Variants in HIVEP2 observed in about 807,000 individuals in gnomAD.
HIVEP2 encodes HIVEP zinc finger 2.
In HIVEP2, 14 loss-of-function variants were observed where a neutral mutation model predicts 180.7. The ratio of observed to expected loss-of-function variants is 0.08; its 90% CI spans 0.05 to 0.12. The LOEUF (loss-of-function observed/expected upper bound fraction) is 0.12. Among genes scored for constraint, HIVEP2 ranks in the 10% least tolerant of loss-of-function variants. The pLI is 1.00. For missense variants in HIVEP2, 2,579 were observed against 3,008.5 expected (o/e 0.86, Z 3.34); for synonymous variants, 1,184 against 1,136.4 (o/e 1.04, Z -0.84).
intron 1 of HIVEP2, among the ~76,000 whole-genome samples, chr6:142,895,373 T>C (rs1490552465): frequency 1.3e-5 from 2 of 152,200 alleles, no homozygotes; most frequent in African/African-American, 4.8e-5. Context: ...TTTTCCTTCC[T>C]GGTCAAATGA....
intron 1 of HIVEP2, among the ~76,000 whole-genome samples, chr6:142,915,266 C>A (rs943943897): frequency 1.3e-5 from 2 of 152,158 alleles, no homozygotes; most frequent in Admixed American, 1.3e-4. Context: ...AAGGTCCTTG[C>A]AGATGTAATT....
chr6:142,845,872 T>TGTTTGCACAG (rs1775501075), intron 1 of HIVEP2, among the ~76,000 whole-genome samples: 1 of 152,158 alleles, frequency 6.6e-6, no homozygotes, highest in Admixed American at 6.5e-5. Context: ...AAACTCGTCT[T>TGTTTGCACAG]CCGCAGACAC....
In HIVEP2 at chr6:142,793,673, T is replaced by TCTC. The variant is rs1562521411; in HGVS notation, c.-527-10059_-527-10058insGAG. Among the ~76,000 whole-genome samples the TCTC allele has an allele frequency of 6.7e-4, 72 of 107,508 alleles. 2 individuals carry two copies. Among genetic ancestry groups the TCTC allele is most frequent in the African/African-American group, 2.4e-3 (66 of 27,102 alleles). 70.5% of individuals were successfully genotyped at this position (107,508 alleles called of 152,430 possible). A position where few individuals can be genotyped will look rare whatever the true frequency, so the allele number is the denominator to read the frequency against. On this transcript the variant is annotated intron_variant, in intron 2 of 9. Transcript: ENST00000367603. ...CTTTCTTTCTTTTTTCTTTCTTTCTTTCTCTCTCTCTCTCTCTCTCTCTCT... is the reference window on the plus strand; with the variant it reads ...CTTTCTTTCTTTTTTCTTTCTTTCTTCTCTCTCTCTCTCTCTCTCTCTCTCTCT...
chr6:142,798,725 T>A (rs144129183), intron 2 of HIVEP2, among the ~76,000 whole-genome samples: 20 of 152,298 alleles, frequency 1.3e-4, no homozygotes, highest in African/African-American at 4.8e-4. Flanking sequence ...AAGACAGAAC[T>A]GAGTCCCAAT....
chr6:142,886,049 T>C (rs1776690135), intron 1 of HIVEP2, among the ~76,000 whole-genome samples: 1 of 152,240 alleles, frequency 6.6e-6, no homozygotes, highest in Admixed American at 6.5e-5. Flanking sequence ...AAAGCTTAAT[T>C]ACAAATTTCA....
intron 2 of HIVEP2, among the ~76,000 whole-genome samples, chr6:142,835,884 C>T (rs1031756512): frequency 6.6e-6 from 1 of 152,150 alleles, no homozygotes; most frequent in East Asian, 1.9e-4. Context: ...TAAACTACAA[C>T]GCTATCGCTA....
chr6:142,824,128 A>C (rs1405309403), intron 2 of HIVEP2, among the ~76,000 whole-genome samples: 1 of 152,212 alleles, frequency 6.6e-6, no homozygotes, highest in African/African-American at 2.4e-5. Context: ...GAATTAGTAC[A>C]TGTTGACACC....
At position 142,777,996 on chromosome 6, in the gene HIVEP2, C is replaced by T. The variant is rs748172246; in HGVS notation, c.-432-1805G>A. On this transcript the variant is annotated intron_variant, in intron 3 of 9. Transcript: ENST00000367603. ...AAGCACCCGGAAATTCCCACAGGAACGGTAAGTCTTTTGGGTGAGAAATCA... is the reference window on the plus strand; with the variant it reads ...AAGCACCCGGAAATTCCCACAGGAATGGTAAGTCTTTTGGGTGAGAAATCA... 3.9e-5 allele frequency among the ~76,000 whole-genome samples: 6 copies of T among 152,198 alleles called. No homozygotes were observed. In the South Asian group the frequency reaches 6.2e-4, roughly 16 times the overall value.
In HIVEP2 at chr6:142,939,318, T is replaced by G. The variant is rs1331052367; in HGVS notation, c.-641+5781A>C. Among the ~76,000 whole-genome samples the G allele has an allele frequency of 2.6e-5, 4 of 151,160 alleles. No homozygotes were observed. In the East Asian group the frequency reaches 7.8e-4, roughly 29 times the overall value. On this transcript the variant is annotated intron_variant, in intron 1 of 9. Coordinates refer to ENST00000367603, the MANE Select transcript of HIVEP2 (RefSeq NM_006734.4). ...AGGATATTTTGGCAATCTAACTGTC[T>G]CCTTGCCACCGAGATATTCATCCCA...
intron 2 of HIVEP2, among the ~76,000 whole-genome samples, chr6:142,817,249 A>C (rs1359169383): frequency 6.6e-6 from 1 of 152,216 alleles, no homozygotes; most frequent in East Asian, 1.9e-4. Context: ...GCTCTGGCTA[A>C]AATACTGTGG....
intron 1 of HIVEP2, among the ~76,000 whole-genome samples, chr6:142,922,446 A>G (rs983772841): frequency 2.0e-5 from 3 of 152,208 alleles, no homozygotes; most frequent in South Asian, 2.1e-4. Flanking sequence ...AAATAACCAC[A>G]TAAGTATACT....
intron 1 of HIVEP2, among the ~76,000 whole-genome samples, chr6:142,899,861 A>G (rs1361198701): frequency 5.9e-5 from 9 of 152,186 alleles, no homozygotes; most frequent in Non-Finnish European, 1.0e-4. Flanking sequence ...TCTGTATTTA[A>G]TAGCCTATTT....
At chr6:142,901,021 C>T (rs1034995682) in intron 1 of HIVEP2, among the ~76,000 whole-genome samples, 60 of 152,202 alleles carry the variant, frequency 3.9e-4, no homozygotes, top group African/African-American at 1.4e-3. Flanking sequence ...ATTAACTCCA[C>T]TTTTATTTCA....
intron 1 of HIVEP2, among the ~76,000 whole-genome samples, chr6:142,886,590 G>A (rs933686674): frequency 6.6e-6 from 1 of 152,152 alleles, no homozygotes; most frequent in Non-Finnish European, 1.5e-5. Context: ...CTCAGAACTT[G>A]AACACTTCCG....
rs1379479470 is a variant in HIVEP2, at chr6:142,771,346, C to A, written c.3393G>T (p.Gln1131His). The part of the protein sequence containing the change: ...HGPPAVLPPL[Q>H]QEDPGKQVAG... ...CCACCTGCTTCCCTGGGTCCTCTTG[C>A]TGAAGAGGAGGCAGCACAGCAGGCG... Residue 1131 changes from glutamine (Q) to histidine (H), a missense_variant, in exon 5 of 10, where the codon CAG (glutamine) becomes CAT (histidine). Physicochemically the swap from Gln to His is conservative, Grantham distance 24. This residue lies in a region of HIVEP2 where 523 missense variants were observed against 577.0 expected (regional missense o/e 0.91). Coordinates refer to ENST00000367603, the MANE Select transcript of HIVEP2 (RefSeq NM_006734.4). This position sits in a 1 kb window ranked among gnomAD's most constrained non-coding sequence, Gnocchi z 5.4. 3 of 1,613,004 alleles carry A rather than the reference C, an allele frequency of 1.9e-6. No individual in the cohort carries two copies. Among genetic ancestry groups the A allele is most frequent in the Non-Finnish European group, 8.5e-7 (1 of 1,179,962 alleles).
chr6:142,872,520 G>C (rs1220382878), intron 1 of HIVEP2, among the ~76,000 whole-genome samples: 2 of 152,142 alleles, frequency 1.3e-5, no homozygotes, highest in Non-Finnish European at 2.9e-5. Flanking sequence ...AATGGTTGGA[G>C]CAAACCATAC....
At chr6:142,929,958 G>A (rs1364866728) in intron 1 of HIVEP2, among the ~76,000 whole-genome samples, 5 of 152,088 alleles carry the variant, frequency 3.3e-5, no homozygotes. Context: ...ATATTCAGAA[G>A]GGCATACTAA....
At chr6:142,944,654 C>G (rs1778269410) in intron 1 of HIVEP2, 1 of 152,934 alleles carries the variant, frequency 6.5e-6, no homozygotes, top group South Asian at 2.1e-4. Flanking sequence ...ATGGAACATT[C>G]CCGGAACGGG....
intron 1 of HIVEP2, among the ~76,000 whole-genome samples, chr6:142,936,275 C>T (rs1490659956): frequency 1.3e-5 from 2 of 151,766 alleles, no homozygotes; most frequent in Admixed American, 1.3e-4. Flanking sequence ...TCACTGCAAC[C>T]TCTACGTCCC....
Sources: allele counts gnomAD v4.1 joint callset (sites outside exome capture counted in the v4.1 genomes callset), GRCh38; gene constraint gnomAD v4.1.1; regional missense constraint gnomAD v4.1.1; non-coding constraint Gnocchi (gnomAD v3.1); transcripts MANE v1.5; gene names NCBI Gene and HGNC (gene_info 2026-07-23, HGNC 2026-07-21).